The following ZNF410 variants were observed in gnomAD, a reference collection of about 807,000 sequenced individuals.
The protein encoded by ZNF410 is another partner for ARF 1.
A neutral mutation model predicts 54.8 loss-of-function variants in ZNF410; 18 were observed. The ratio of observed to expected loss-of-function variants is 0.33; its 90% CI spans 0.23 to 0.49. The LOEUF (loss-of-function observed/expected upper bound fraction) is 0.49, where lower values mean the gene tolerates loss of function less well. Among genes scored for constraint, ZNF410 ranks in the 20% least tolerant of loss-of-function variants. The pLI is 0.99. For synonymous variants in ZNF410, 191 were observed against 207.3 expected (o/e 0.92, Z 0.68); for missense variants, 405 against 569.6 (o/e 0.71, Z 2.94).
In ZNF410 at chr14:73,905,015, A is replaced by C; in HGVS notation, c.845A>C (p.His282Pro). ...AATGGAGAGAAGCCCTTTATGTGCC[A>C]TGAGTCTGGCTGTGGTAAGCAGTTT... ...THNGEKPFMCHESGCGKQFTT... is the reference protein window; with the variant it reads ...THNGEKPFMCPESGCGKQFTT... The change falls in exon 7 of 12, where the codon CAT (histidine) becomes CCT (proline). Residue 282 changes from histidine (H) to proline (P), a missense_variant. His to Pro is a moderately conservative substitution (Grantham distance 77, BLOSUM62 -2). Transcript: ENST00000555044. 6.2e-7 allele frequency: 1 copy of C among 1,614,154 alleles called. No homozygotes were observed. The highest frequency in any genetic ancestry group is 1.3e-5 in the African/African-American group (1 of 75,064).
chr14:73,924,275 G>T (rs538910505), intron 11 of ZNF410, among the ~76,000 whole-genome samples: 2 of 152,150 alleles, frequency 1.3e-5, no homozygotes, highest in Non-Finnish European at 2.9e-5. Flanking sequence ...GCTCCTATGA[G>T]AATCTGTTGC....
chr14:73,912,061 G>A (rs953352103), intron 8 of ZNF410, among the ~76,000 whole-genome samples: 2 of 151,934 alleles, frequency 1.3e-5, no homozygotes, highest in Admixed American at 6.6e-5. Flanking sequence ...TGTGTGCTTC[G>A]TTTTGTGTCA....
intron 8 of ZNF410, chr14:73,920,747 A>T (rs2302120): frequency 0.83 from 396,176 of 477,850 alleles, 164,969 homozygotes; most frequent in East Asian, 0.92. Context: ...AGCATTACAG[A>T]AGGTCTGGAA....
intron 3 of ZNF410, chr14:73,895,360 T>C (rs2055300344): frequency 6.6e-6 from 1 of 152,082 alleles, no homozygotes; most frequent in Non-Finnish European, 1.5e-5. Context: ...CGTATGGAAG[T>C]TCCTCAGAAA....
At chr14:73,909,568 G>A in intron 8 of ZNF410, 138 bp downstream of exon 8, 1 of 601,310 alleles carries the variant, frequency 1.7e-6, no homozygotes, top group Non-Finnish European at 2.8e-6. Context: ...CATCATGACA[G>A]AATCAGAAAT....
intron 5 of ZNF410, among the ~76,000 whole-genome samples, chr14:73,898,822 C>T (rs2055362716): frequency 6.6e-6 from 1 of 152,164 alleles, no homozygotes; most frequent in South Asian, 2.1e-4. Context: ...TGTCACTTTT[C>T]TCTGTTCTAG....
intron 11 of ZNF410, among the ~76,000 whole-genome samples, chr14:73,929,969 AGGGCTTTTGGGCT>A (rs1248620465): frequency 6.6e-6 from 1 of 152,180 alleles, no homozygotes; most frequent in African/African-American, 2.4e-5. Context: ...TGGGAACCCC[AGGGCTTTTGGGCT>A]GTCATACTTA....
chr14:73,929,443 C>T (rs2055879246), intron 11 of ZNF410, among the ~76,000 whole-genome samples: 1 of 152,146 alleles, frequency 6.6e-6, no homozygotes, highest in South Asian at 2.1e-4. Context: ...TTTTGGAGAT[C>T]ACCAAGCAGT....
At chr14:73,894,366 TC>T in intron 3 of ZNF410, 1 of 702,484 alleles carries the variant, frequency 1.4e-6, no homozygotes, top group South Asian at 1.5e-5. Flanking sequence ...CAGAACCTGT[TC>T]CATGGAGAGA....
intron 11 of ZNF410, 107 bp downstream of exon 11, chr14:73,923,629 G>A (rs1298380639): frequency 5.6e-6 from 8 of 1,428,818 alleles, no homozygotes; most frequent in Non-Finnish European, 7.6e-6. Flanking sequence ...GGAAACTTTG[G>A]CACGAATATT....
chr14:73,903,854 A>G (rs974416171), intron 5 of ZNF410, 106 bp from the exon 6 acceptor site: 1 of 1,406,136 alleles, frequency 7.1e-7, no homozygotes, highest in Non-Finnish European at 9.7e-7. Flanking sequence ...GAAGATAGAT[A>G]CCTGATTAAT....
chr14:73,923,795 C>T (rs1196499990), intron 11 of ZNF410, among the ~76,000 whole-genome samples: 1 of 152,122 alleles, frequency 6.6e-6, no homozygotes, highest in Non-Finnish European at 1.5e-5. Context: ...CTCTGCCACA[C>T]TATAACATGA....
At chr14:73,897,966 C>CTT (rs2055347930) in intron 4 of ZNF410, 105 bp from the exon 5 acceptor site, 1 of 971,858 alleles carries the variant, frequency 1.0e-6, no homozygotes, top group Non-Finnish European at 1.4e-6. Context: ...AGCGAGACGC[C>CTT]GTCTCAAAAA....
intron 8 of ZNF410, chr14:73,914,079 T>C (rs2055626819): frequency 6.6e-6 from 1 of 152,236 alleles, no homozygotes; most frequent in Non-Finnish European, 1.5e-5. Flanking sequence ...CCTCTGTTGC[T>C]CAGGTTGGAG....
Position 73,932,008 on chromosome 14 carries a change from C to A in ZNF410, c.*467C>A, listed in dbSNP as rs1330752801. 2.2e-6 allele frequency: 1 copy of A among 456,518 alleles called. No homozygotes were observed. Among genetic ancestry groups the A allele is most frequent in the East Asian group, 6.9e-5 (1 of 14,396 alleles). The allele number at this position is 456,518 out of a possible 1,614,324, so 28.3% of individuals were successfully genotyped here. ...GTTGCTTTGAAGAAGGGAGTGATGT[C>A]AATTCTCTTGTTACATTCTCCCTTT... On this transcript the variant is annotated 3_prime_UTR_variant, in exon 12 of 12. Transcript: ENST00000555044.
chr14:73,910,321 A>G (rs2055557689), intron 8 of ZNF410, among the ~76,000 whole-genome samples: 1 of 152,208 alleles, frequency 6.6e-6, no homozygotes, highest in Non-Finnish European at 1.5e-5. Flanking sequence ...GCTCCAGTGT[A>G]GTGGCAGGGA....
rs201244934 is a variant in ZNF410 at position 73,896,544 on chromosome 14, C to T, written c.388+10C>T. The T allele has an allele frequency of 9.4e-4, 1,518 of 1,611,924 alleles. 5 individuals carry two copies. Among genetic ancestry groups the T allele is most frequent in the Non-Finnish European group, 1.1e-3 (1,338 of 1,179,272 alleles). On this transcript the variant is annotated intron_variant, in intron 4 of 11. Transcript: ENST00000555044. Reference sequence around the variant, plus strand: ...AACCTAACAAGAGCAGGTATTCTTTCCTTTTTTTTGGGCTCTGCTTATGCC... The same window carrying T: ...AACCTAACAAGAGCAGGTATTCTTTTCTTTTTTTTGGGCTCTGCTTATGCC...
intron 11 of ZNF410, among the ~76,000 whole-genome samples, chr14:73,929,015 A>G (rs1334470680): frequency 6.6e-6 from 1 of 152,208 alleles, no homozygotes; most frequent in Non-Finnish European, 1.5e-5. Flanking sequence ...ATGGAAGCCC[A>G]AAACACTTAG....
chr14:73,918,674 A>T (rs1021179084), intron 8 of ZNF410, among the ~76,000 whole-genome samples: 17 of 114,854 alleles, frequency 1.5e-4, no homozygotes, highest in African/African-American at 3.1e-4. Context: ...TGTTCTGGAC[A>T]TTTCATATGG....
Sources: gnomAD v4.1 joint callset for allele counts (sites outside exome capture counted in the v4.1 genomes callset) on GRCh38, gnomAD v4.1.1 for gene constraint, MANE v1.5 for transcripts, NCBI Gene and HGNC (gene_info 2026-07-23, HGNC 2026-07-21) for gene names.